Variants in CPD observed in about 807,000 individuals in gnomAD.
The protein encoded by CPD is metallocarboxypeptidase D.
Under a neutral mutation model 138.3 loss-of-function variants are expected in CPD, and 69 were observed. The observed-to-expected ratio is 0.50, with a 90% confidence interval of 0.41 to 0.61. The LOEUF (loss-of-function observed/expected upper bound fraction) is 0.61, where lower values mean the gene tolerates loss of function less well. Ranked by LOEUF, CPD falls within the 20% of genes least tolerant of loss-of-function variation. The probability of loss-of-function intolerance (pLI) is 0.00; values close to 1 mark genes in which losing one functional copy is unlikely to be tolerated. For missense variants in CPD, 1,432 were observed against 1,733.3 expected (o/e 0.83, Z 3.09); for synonymous variants, 651 against 642.1 (o/e 1.01, Z -0.21).
chr17:30,406,291 T>G (rs1330489659), intron 2 of CPD, among the ~76,000 whole-genome samples: 1 of 152,150 alleles, frequency 6.6e-6, no homozygotes, highest in African/African-American at 2.4e-5. Flanking sequence ...TAAAAGAGGC[T>G]TGTCTCCATG....
intron 2 of CPD, among the ~76,000 whole-genome samples, chr17:30,403,455 C>T (rs2143360237): frequency 6.6e-6 from 1 of 152,304 alleles, no homozygotes; most frequent in South Asian, 2.1e-4. Context: ...TGCCATCTCA[C>T]TAAAGTCTCT....
At chr17:30,455,228 A>G in intron 14 of CPD, 111 bp from the exon 15 acceptor site, 1 of 885,388 alleles carries the variant, frequency 1.1e-6, no homozygotes, top group Non-Finnish European at 1.7e-6. Flanking sequence ...ATATTTATCT[A>G]CAAATTTTTA....
Position 30,379,578 on chromosome 17 carries a change from GGCGGCCCGTCCGGGGCCAGCGGCC to G in CPD, c.602_625del (p.Gly201_Arg208del). 6.6e-7 allele frequency: 1 copy of G among 1,515,700 alleles called. No homozygotes were observed. Among genetic ancestry groups the G allele is most frequent in the Non-Finnish European group, 8.7e-7 (1 of 1,144,224 alleles). 93.9% of individuals were successfully genotyped at this position (1,515,700 alleles called of 1,614,324 possible). A position where few individuals can be genotyped will look rare whatever the true frequency, so the allele number is the denominator to read the frequency against. The stretch of plus-strand genomic sequence containing the variant: ...CGAGGGCGACTGTGGCTTCGGCGAC[GGCGGCCCGTCCGGGGCCAGCGGCC>G]GCGACAATAGTCGCGGCCGCGACCT... On this transcript the variant is annotated inframe_deletion, in exon 1 of 21. Coordinates refer to ENST00000225719, the MANE Select transcript of CPD (RefSeq NM_001304.5). The surrounding 1 kb of genome is among the most constrained non-coding windows in gnomAD (Gnocchi z 7.0).
chr17:30,411,128 G>A (rs757602739), intron 2 of CPD, among the ~76,000 whole-genome samples: 42 of 152,256 alleles, frequency 2.8e-4, no homozygotes, highest in Non-Finnish European at 5.0e-4. Flanking sequence ...GCTTAGTTTG[G>A]CTGGATATGA....
At chr17:30,397,275 G>C (rs940151913) in intron 2 of CPD, among the ~76,000 whole-genome samples, 1 of 151,994 alleles carries the variant, frequency 6.6e-6, no homozygotes, top group South Asian at 2.1e-4. Context: ...TTAATACTTA[G>C]AGCATTACAG....
chr17:30,436,303 A>G (rs1330106364), intron 8 of CPD, among the ~76,000 whole-genome samples: 1 of 152,116 alleles, frequency 6.6e-6, no homozygotes, highest in African/African-American at 2.4e-5. Flanking sequence ...ACAGAAGGAG[A>G]CCCCAGCCCC....
intron 2 of CPD, among the ~76,000 whole-genome samples, chr17:30,415,596 G>A (rs1912082915): frequency 6.6e-6 from 1 of 151,958 alleles, no homozygotes. Flanking sequence ...TTAAAAATGG[G>A]CAAAGGACTT....
rs1912899965 is a variant in CPD at position 30,442,426 on chromosome 17, A to T, written c.2349A>T (p.Arg783Ser). The T allele has an allele frequency of 1.2e-6, 2 of 1,613,436 alleles. No individual in the cohort carries two copies. The highest frequency in any genetic ancestry group is 1.7e-6 in the Non-Finnish European group (2 of 1,179,534). The change falls in exon 10 of 21, where the codon AGA becomes AGT. Residue 783 changes from arginine to serine, a missense_variant. Physicochemically the swap from Arg to Ser is moderately radical, Grantham distance 110. Around this residue, in one of 6 missense-constraint regions of CPD, gnomAD observed 297 missense variants for 405.3 expected, o/e 0.73. Coordinates refer to ENST00000225719, the MANE Select transcript of CPD (RefSeq NM_001304.5). ...ELPNFWEQNR[R>S]SLIQFMKQVH... is the part of the protein sequence containing the mutation. ...CAAACTTTTGGGAACAGAATCGAAG[A>T]TCACTAATCCAGTTTATGAAACAGG... is the stretch of plus-strand genomic sequence containing the variant.
At chr17:30,449,452 CT>C in intron 12 of CPD, 100 bp from the exon 13 acceptor site, 2 of 1,115,070 alleles carry the variant, frequency 1.8e-6, no homozygotes, top group Non-Finnish European at 2.5e-6. Flanking sequence ...CTTTTTAAAA[CT>C]TTTTGTGTTT....
At chr17:30,418,242 G>T (rs1272480430) in intron 2 of CPD, among the ~76,000 whole-genome samples, 2 of 151,550 alleles carry the variant, frequency 1.3e-5, no homozygotes, top group Non-Finnish European at 2.9e-5. Flanking sequence ...GTGCAGTGGC[G>T]CAATCTTGGC....
At chr17:30,418,857 A>G (rs1467937441) in intron 2 of CPD, among the ~76,000 whole-genome samples, 2 of 152,106 alleles carry the variant, frequency 1.3e-5, no homozygotes, top group Admixed American at 6.5e-5. Context: ...GATTGTGTTC[A>G]GTTTTCTTCC....
rs548049650 is a variant in CPD at position 30,421,915 on chromosome 17, A to C, written c.1307+82A>C. On this transcript the variant is annotated intron_variant, in intron 4 of 20. Transcript: ENST00000225719. ...CTGAGACAGAAATATAGTCTAGTAC[A>C]TGTTGTTTATTTTTTGTGGCTTTTA... 217 of 1,036,968 alleles carry C rather than the reference A, an allele frequency of 2.1e-4. No individual in the cohort carries two copies. The African/African-American group carries it at 3.2e-3, about 15-fold the overall frequency. 64.2% of individuals were successfully genotyped at this position (1,036,968 alleles called of 1,614,324 possible). A position where few individuals can be genotyped will look rare whatever the true frequency, so the allele number is the denominator to read the frequency against.
At chr17:30,435,009 G>A (rs1019425372) in intron 8 of CPD, among the ~76,000 whole-genome samples, 1 of 152,028 alleles carries the variant, frequency 6.6e-6, no homozygotes, top group East Asian at 1.9e-4. Context: ...TCGAGAAGCA[G>A]AAGAAAACTG....
rs1913711219 is a variant in CPD, at chr17:30,468,771, T to C, written c.*3957T>C. ...AGGTCCAGTTTGAAAATTATTTAGTTTTTCTGCCTATGCTAGTGGAAAAAT... is the reference window on the plus strand; with the variant it reads ...AGGTCCAGTTTGAAAATTATTTAGTCTTTCTGCCTATGCTAGTGGAAAAAT... On this transcript the variant is annotated 3_prime_UTR_variant, in exon 21 of 21. Coordinates refer to ENST00000225719, the MANE Select transcript of CPD (RefSeq NM_001304.5). The C allele has an allele frequency of 6.6e-6, 1 of 152,242 alleles. No individual in the cohort carries two copies. The highest frequency in any genetic ancestry group is 1.5e-5 in the Non-Finnish European group (1 of 68,014). 9.4% of individuals were successfully genotyped at this position (152,242 alleles called of 1,614,324 possible).
intron 2 of CPD, among the ~76,000 whole-genome samples, chr17:30,412,491 T>A (rs985767352): frequency 2.0e-5 from 3 of 152,122 alleles, no homozygotes; most frequent in East Asian, 1.9e-4. Flanking sequence ...AGAGGTGGAA[T>A]CTATAGAGGC....
At chr17:30,456,394 T>C (rs1913294965) in intron 16 of CPD, 43 bp downstream of exon 16, 1 of 1,611,170 alleles carries the variant, frequency 6.2e-7, no homozygotes, top group Admixed American at 1.7e-5. Context: ...TTGTTGTTGT[T>C]GCTTTTGTGG....
At chr17:30,451,875 A>G in intron 14 of CPD, 29 bp downstream of exon 14, 2 of 1,598,088 alleles carry the variant, frequency 1.3e-6, no homozygotes, top group Non-Finnish European at 1.7e-6. Context: ...CTACTAAAGT[A>G]CTTAGGAGAT....
At chr17:30,402,533 T>A (rs1391080106) in intron 2 of CPD, among the ~76,000 whole-genome samples, 1 of 152,212 alleles carries the variant, frequency 6.6e-6, no homozygotes, top group Non-Finnish European at 1.5e-5. Context: ...GCCACTGCAC[T>A]CAAGCCTGGG....
chr17:30,413,361 G>C (rs1912017925), intron 2 of CPD, among the ~76,000 whole-genome samples: 1 of 152,158 alleles, frequency 6.6e-6, no homozygotes, highest in African/African-American at 2.4e-5. Flanking sequence ...CCCATTTCCT[G>C]CCAGACTCAA....
Sources: allele counts gnomAD v4.1 joint callset (sites outside exome capture counted in the v4.1 genomes callset), GRCh38; gene constraint gnomAD v4.1.1; regional missense constraint gnomAD v4.1.1; non-coding constraint Gnocchi (gnomAD v3.1); transcripts MANE v1.5; gene names NCBI Gene and HGNC (gene_info 2026-07-23, HGNC 2026-07-21).